RABGAP1L: variants seen among roughly 807,000 people sequenced by gnomAD.
RABGAP1L encodes the protein RAB GTPase activating protein 1 like, also known as rab GTPase-activating protein 1-like.
RABGAP1L carries 63 observed loss-of-function variants against 137.7 expected under a neutral mutation model. The ratio of observed to expected loss-of-function variants is 0.46; its 90% CI spans 0.37 to 0.56. The LOEUF (loss-of-function observed/expected upper bound fraction) is 0.56. RABGAP1L is among the 20% of genes least tolerant of loss of function. The probability of loss-of-function intolerance (pLI) is 0.00; values close to 1 mark genes in which losing one functional copy is unlikely to be tolerated. For synonymous variants in RABGAP1L, 431 were observed against 433.7 expected, an observed-to-expected ratio of 0.99 and a Z score of 0.08; for missense variants, 1,095 against 1,244.0, an observed-to-expected ratio of 0.88 and a Z score of 1.80.
chr1:174,265,974 CAGAT>C (rs934147516), intron 7 of RABGAP1L, among the ~76,000 whole-genome samples: 11 of 151,914 alleles, frequency 7.2e-5, no homozygotes, highest in African/African-American at 1.9e-4. Flanking sequence ...GTTACATAGA[CAGAT>C]AGATAGATAA....
rs769203005 is a variant in RABGAP1L at position 174,448,543 on chromosome 1, CA to C, written c.1710+54400del. 1.2e-6 allele frequency: 2 copies of C among 1,612,836 alleles called. No individual in the cohort carries two copies. Among genetic ancestry groups the C allele is most frequent in the Non-Finnish European group, 1.7e-6 (2 of 1,178,984 alleles). On this transcript the variant is annotated intron_variant, in intron 13 of 25. Coordinates refer to ENST00000681986, the MANE Select transcript of RABGAP1L (RefSeq NM_001366446.1). This position sits in a 1 kb window ranked among gnomAD's most constrained non-coding sequence, Gnocchi z 4.2. Reference sequence around the variant, plus strand: ...GTGTGGATCGTTATCTTGCAATAACCAAGCCTCTTTCCTACAATCAACTGGT... The same window carrying C: ...GTGTGGATCGTTATCTTGCAATAACCAGCCTCTTTCCTACAATCAACTGGT...
chr1:174,589,968 T>C (rs910715895), intron 13 of RABGAP1L, among the ~76,000 whole-genome samples: 5 of 152,118 alleles, frequency 3.3e-5, no homozygotes, highest in African/African-American at 1.2e-4. Context: ...CATCAAAATT[T>C]ACGATTATTT....
chr1:174,490,726 A>G (rs1209888473), intron 13 of RABGAP1L, among the ~76,000 whole-genome samples: 2 of 152,084 alleles, frequency 1.3e-5, no homozygotes, highest in East Asian at 3.9e-4. Flanking sequence ...GACTAGAATG[A>G]AAACCTTCTA....
intron 13 of RABGAP1L, among the ~76,000 whole-genome samples, chr1:174,577,616 T>C (rs1482952419): frequency 6.6e-6 from 1 of 152,136 alleles, no homozygotes; most frequent in Non-Finnish European, 1.5e-5. Flanking sequence ...ATCTAAAATA[T>C]ATAGTTTCCT....
intron 12 of RABGAP1L, among the ~76,000 whole-genome samples, chr1:174,375,236 A>C (rs1308792029): frequency 1.3e-5 from 2 of 151,972 alleles, no homozygotes; most frequent in Non-Finnish European, 2.9e-5. Context: ...GCATGCTCTT[A>C]TTTCAAAATA....
At chr1:174,643,650 T>C (rs959626463) in intron 14 of RABGAP1L, among the ~76,000 whole-genome samples, 8 of 152,126 alleles carry the variant, frequency 5.3e-5, no homozygotes, top group African/African-American at 1.9e-4. Flanking sequence ...TTTTTGCATG[T>C]CGTTATTTGA....
chr1:174,516,902 G>A (rs990234101), intron 13 of RABGAP1L, among the ~76,000 whole-genome samples: 2 of 150,932 alleles, frequency 1.3e-5, no homozygotes, highest in African/African-American at 4.9e-5. Flanking sequence ...ACTCCAGCCT[G>A]GGTGACAGAG....
chr1:174,706,139 A>G (rs1680027206), intron 17 of RABGAP1L, among the ~76,000 whole-genome samples: 1 of 152,188 alleles, frequency 6.6e-6, no homozygotes, highest in African/African-American at 2.4e-5. Flanking sequence ...AAGCTATATT[A>G]TTTTAAAGAT....
intron 13 of RABGAP1L, among the ~76,000 whole-genome samples, chr1:174,631,747 T>C (rs1159579044): frequency 7.0e-6 from 1 of 143,868 alleles, no homozygotes; most frequent in Non-Finnish European, 1.5e-5. Context: ...ATTTGCTTGG[T>C]AGATCTTCCT....
At chr1:174,775,277 G>C (rs772443864) in intron 18 of RABGAP1L, among the ~76,000 whole-genome samples, 2 of 151,636 alleles carry the variant, frequency 1.3e-5, no homozygotes, top group African/African-American at 4.8e-5. Context: ...GCCATGTGCC[G>C]TGTTAAAATT....
chr1:174,215,334 G>A (rs1669207905), intron 1 of RABGAP1L, among the ~76,000 whole-genome samples: 1 of 152,026 alleles, frequency 6.6e-6, no homozygotes, highest in African/African-American at 2.4e-5. Flanking sequence ...GTGCACACCT[G>A]TAATCCCAGC....
chr1:174,658,781 G>C (rs573870618), intron 14 of RABGAP1L, among the ~76,000 whole-genome samples: 3 of 152,118 alleles, frequency 2.0e-5, no homozygotes, highest in Admixed American at 6.5e-5. Context: ...GGAACAGGAA[G>C]CTTAATTACT....
rs1692068068 is a variant in RABGAP1L at position 174,831,090 on chromosome 1, A to T, written c.2340+19130A>T. ...GTTTATTTAATTTTATTTTAATTTG[A>T]CAATACTTTGGTATCTTTTGGTTGT... On this transcript the variant is annotated intron_variant, in intron 19 of 25. Coordinates refer to ENST00000681986, the MANE Select transcript of RABGAP1L (RefSeq NM_001366446.1). Among the ~76,000 whole-genome samples, 2 of 148,068 alleles carry T rather than the reference A, an allele frequency of 1.4e-5. 1 individual carries two copies. Among genetic ancestry groups the T allele is most frequent in the African/African-American group, 4.9e-5 (2 of 40,582 alleles).
chr1:174,472,901 TTCTAAGAATAGCAG>T (rs926220239), intron 13 of RABGAP1L, among the ~76,000 whole-genome samples: 2 of 152,224 alleles, frequency 1.3e-5, no homozygotes, highest in African/African-American at 4.8e-5. Flanking sequence ...AAGCATTTCA[TTCTAAGAATAGCAG>T]TCTCAGACCT....
chr1:174,636,338 T>A (rs1485952522), intron 13 of RABGAP1L, among the ~76,000 whole-genome samples: 1 of 151,966 alleles, frequency 6.6e-6, no homozygotes, highest in Non-Finnish European at 1.5e-5. Flanking sequence ...TCCAACACAG[T>A]GAAACCCCAT....
At chr1:174,625,576 G>T (rs113876262) in intron 13 of RABGAP1L, among the ~76,000 whole-genome samples, 1 of 152,112 alleles carries the variant, frequency 6.6e-6, no homozygotes, top group Non-Finnish European at 1.5e-5. Context: ...GGGATTACAG[G>T]TGTGAGCCAA....
chr1:174,802,463 C>T (rs752540029), intron 18 of RABGAP1L, among the ~76,000 whole-genome samples: 19 of 152,098 alleles, frequency 1.2e-4, no homozygotes, highest in African/African-American at 2.4e-4. Flanking sequence ...CAAAATTAGC[C>T]GGGCGTGGTG....
chr1:174,291,767 G>A (rs72713516), intron 10 of RABGAP1L, among the ~76,000 whole-genome samples: 16,954 of 151,660 alleles, frequency 0.11, 1,278 homozygotes, highest in Non-Finnish European at 0.17. Context: ...AACATCTATA[G>A]GGTTTGTAGG....
At chr1:174,650,519 A>T (rs1305478902) in intron 14 of RABGAP1L, among the ~76,000 whole-genome samples, 1 of 152,040 alleles carries the variant, frequency 6.6e-6, no homozygotes, top group Non-Finnish European at 1.5e-5. Flanking sequence ...AGAGCCTGTT[A>T]TTGGTCTATT....
Sources: allele counts gnomAD v4.1 joint callset (sites outside exome capture counted in the v4.1 genomes callset), GRCh38; gene constraint gnomAD v4.1.1; non-coding constraint Gnocchi (gnomAD v3.1); transcripts MANE v1.5; gene names NCBI Gene and HGNC (gene_info 2026-07-23, HGNC 2026-07-21).